ZNF423: variants seen among roughly 807,000 people sequenced by gnomAD.
The protein encoded by ZNF423 is Ebf-associated zinc finger protein.
In ZNF423, 12 loss-of-function variants were observed where a neutral mutation model predicts 95.8. The ratio of observed to expected loss-of-function variants is 0.13; its 90% CI spans 0.08 to 0.20. ZNF423 has a LOEUF of 0.20. Among genes scored for constraint, ZNF423 ranks in the 10% least tolerant of loss-of-function variants. The pLI, the probability that ZNF423 is intolerant of heterozygous loss-of-function variation, is 1.00. For synonymous variants in ZNF423, 749 were observed against 711.9 expected, an observed-to-expected ratio of 1.05 and a Z score of -0.83; for missense variants, 1,316 against 1,737.1, an observed-to-expected ratio of 0.76 and a Z score of 4.31.
intron 5 of ZNF423, among the ~76,000 whole-genome samples, chr16:49,600,121 G>A (rs554867079): frequency 3.9e-5 from 6 of 152,174 alleles, no homozygotes; most frequent in Admixed American, 3.9e-4. Context: ...AGACCAGCCT[G>A]GCCAACATGG....
chr16:49,780,625 C>T (rs887431148), intron 2 of ZNF423: 3 of 152,186 alleles, frequency 2.0e-5, no homozygotes, highest in South Asian at 2.1e-4. Flanking sequence ...GGGGGAGCAG[C>T]TCTAACAAAG....
intron 2 of ZNF423, among the ~76,000 whole-genome samples, chr16:49,757,545 C>A (rs1596974202): frequency 6.6e-6 from 1 of 152,310 alleles, no homozygotes; most frequent in East Asian, 1.9e-4. Flanking sequence ...ATCACCATAG[C>A]CCTCTCCCAT....
At chr16:49,495,777 G>A (rs1184390022) in intron 7 of ZNF423, among the ~76,000 whole-genome samples, 1 of 152,214 alleles carries the variant, frequency 6.6e-6, no homozygotes, top group Non-Finnish European at 1.5e-5. Flanking sequence ...CCCTGGCTCA[G>A]CCCACCTCCA....
At chr16:49,642,360 G>A (rs1336165527) in intron 3 of ZNF423, among the ~76,000 whole-genome samples, 1 of 152,298 alleles carries the variant, frequency 6.6e-6, no homozygotes, top group East Asian at 1.9e-4. Flanking sequence ...CATTCACCCA[G>A]TAGGCTTTGA....
chr16:49,607,719 C>T (rs1567500381), intron 5 of ZNF423, among the ~76,000 whole-genome samples: 1 of 152,248 alleles, frequency 6.6e-6, no homozygotes, highest in Non-Finnish European at 1.5e-5. Context: ...GCATTTGATG[C>T]TTCAAAAACA....
intron 1 of ZNF423, chr16:49,854,626 C>G: frequency 1.2e-5 from 12 of 985,374 alleles, no homozygotes; most frequent in Non-Finnish European, 1.4e-5. Context: ...CACAGCCGAG[C>G]GCCCGGGCAC....
intron 3 of ZNF423, chr16:49,711,909 G>A (rs2032555023): frequency 6.9e-6 from 1 of 145,930 alleles, no homozygotes; most frequent in Non-Finnish European, 1.5e-5. Context: ...AGGAGTTCAA[G>A]AGCAGCCCTG....
intron 2 of ZNF423, among the ~76,000 whole-genome samples, chr16:49,747,525 A>G (rs1454964944): frequency 6.6e-6 from 1 of 152,238 alleles, no homozygotes; most frequent in Admixed American, 6.5e-5. Context: ...CAGGGAAGTG[A>G]TGAATGCCAA....
chr16:49,808,531 G>A (rs1423658441), intron 1 of ZNF423, among the ~76,000 whole-genome samples: 1 of 152,216 alleles, frequency 6.6e-6, no homozygotes, highest in African/African-American at 2.4e-5. Flanking sequence ...GGCATGAGAA[G>A]TGCTGGGCAC....
chr16:49,835,897 C>T (rs993109555), intron 1 of ZNF423, among the ~76,000 whole-genome samples: 31 of 152,148 alleles, frequency 2.0e-4, no homozygotes, highest in Non-Finnish European at 1.5e-5. Context: ...ACTTAAGCCC[C>T]GGGGAAAATG....
intron 2 of ZNF423, among the ~76,000 whole-genome samples, chr16:49,737,624 G>T (rs944623685): frequency 4.6e-5 from 7 of 152,258 alleles, no homozygotes; most frequent in African/African-American, 7.2e-5. Flanking sequence ...CACGGGGCAG[G>T]GGACAGCTGG....
upstream of ZNF423, among the ~76,000 whole-genome samples, chr16:49,858,585 C>G (rs1441764989): frequency 6.6e-6 from 1 of 152,146 alleles, no homozygotes; most frequent in South Asian, 2.1e-4. The surrounding 1 kb of genome is among the most constrained non-coding windows in gnomAD (Gnocchi z 4.3). Flanking sequence ...AGGACCGAGA[C>G]GTCCCCTAAC....
chr16:49,825,675 G>A (rs887572024), intron 1 of ZNF423, among the ~76,000 whole-genome samples: 5 of 152,170 alleles, frequency 3.3e-5, no homozygotes, highest in Admixed American at 2.6e-4. Flanking sequence ...AAGCAATTAA[G>A]CTAATTGGAA....
intron 5 of ZNF423, among the ~76,000 whole-genome samples, chr16:49,578,896 T>A (rs1299709952): frequency 1.3e-5 from 2 of 152,202 alleles, no homozygotes; most frequent in Non-Finnish European, 2.9e-5. Flanking sequence ...AATGCGCTAG[T>A]GTTAAAATAT....
At chr16:49,580,761 GA>G (rs980213078) in intron 5 of ZNF423, among the ~76,000 whole-genome samples, 19 of 152,124 alleles carry the variant, frequency 1.2e-4, no homozygotes, top group Non-Finnish European at 2.4e-4. Flanking sequence ...TTCGAGGGTA[GA>G]AAAGTTTCAC....
intron 3 of ZNF423, among the ~76,000 whole-genome samples, chr16:49,692,485 C>T (rs2031821270): frequency 6.6e-6 from 1 of 151,938 alleles, no homozygotes; most frequent in Non-Finnish European, 1.5e-5. Flanking sequence ...GAAGTCCGAT[C>T]GGTGTTGGAC....
intron 7 of ZNF423, among the ~76,000 whole-genome samples, chr16:49,511,612 G>C (rs1967899001): frequency 2.0e-5 from 3 of 152,222 alleles, no homozygotes. Context: ...GGGGTGAGGG[G>C]CTCAGGCCTG....
intron 3 of ZNF423, among the ~76,000 whole-genome samples, chr16:49,691,995 G>C (rs1227155659): frequency 6.6e-6 from 1 of 151,898 alleles, no homozygotes; most frequent in Non-Finnish European, 1.5e-5. Context: ...TGTGGCGCAG[G>C]CTGGAGTGCA....
At chr16:49,567,052 A>T (rs1156995531) in intron 5 of ZNF423, among the ~76,000 whole-genome samples, 1 of 152,210 alleles carries the variant, frequency 6.6e-6, no homozygotes, top group Non-Finnish European at 1.5e-5. Flanking sequence ...CAAATTGATG[A>T]CATCACTCGC....
Sources: allele counts gnomAD v4.1 joint callset (sites outside exome capture counted in the v4.1 genomes callset), GRCh38; gene constraint gnomAD v4.1.1; non-coding constraint Gnocchi (gnomAD v3.1); transcripts MANE v1.5; gene names NCBI Gene and HGNC (gene_info 2026-07-23, HGNC 2026-07-21).